Variants in EEFSEC observed in about 807,000 individuals in gnomAD.
The protein encoded by EEFSEC is selenocysteine-specific elongation factor.
EEFSEC carries 43 observed loss-of-function variants against 42.1 expected under a neutral mutation model. The ratio of observed to expected loss-of-function variants is 1.02; its 90% CI spans 0.80 to 1.32. EEFSEC has a LOEUF of 1.32. Among genes scored for constraint, EEFSEC ranks in the 40% most tolerant of loss-of-function variants. The pLI is 0.00. For missense variants in EEFSEC, 745 were observed against 803.6 expected (o/e 0.93, Z 0.88); for synonymous variants, 354 against 339.1 (o/e 1.04, Z -0.48).
At chr3:128,380,324 T>G (rs961047093) in intron 6 of EEFSEC, among the ~76,000 whole-genome samples, 1 of 152,228 alleles carries the variant, frequency 6.6e-6, no homozygotes, top group Non-Finnish European at 1.5e-5. Context: ...AAAATAAAAT[T>G]TGTTTTGAAC....
chr3:128,155,006 A>G (rs546362042), intron 1 of EEFSEC, among the ~76,000 whole-genome samples: 2 of 152,324 alleles, frequency 1.3e-5, no homozygotes, highest in South Asian at 4.1e-4. Flanking sequence ...GCTACTTGTG[A>G]AGAAATAGAA....
chr3:128,314,149 G>A (rs1204681949), intron 4 of EEFSEC, among the ~76,000 whole-genome samples: 4 of 152,180 alleles, frequency 2.6e-5, no homozygotes, highest in Admixed American at 6.5e-5. Context: ...TGGAGAGCAC[G>A]TTAACCAACT....
rs574288678 is a variant in EEFSEC, at chr3:128,270,392, A to G, written c.786+5611A>G. Among the ~76,000 whole-genome samples the G allele has an allele frequency of 3.2e-4, 48 of 152,264 alleles. 1 individual carries two copies. Among genetic ancestry groups the G allele is most frequent in the Admixed American group, 1.8e-3 (28 of 15,304 alleles). On this transcript the variant is annotated intron_variant, in intron 4 of 6. Coordinates refer to ENST00000254730, the MANE Select transcript of EEFSEC (RefSeq NM_021937.5). ...CTATGGTCCACTATGAATCCAATCA[A>G]TGTTCTGATAATGATGACAAACATT...
At chr3:128,217,358 C>T (rs2065820781) in intron 1 of EEFSEC, among the ~76,000 whole-genome samples, 1 of 152,132 alleles carries the variant, frequency 6.6e-6, no homozygotes, top group South Asian at 2.1e-4. Flanking sequence ...ACCCAAGGGT[C>T]CACCATGTGC....
At chr3:128,177,411 C>T (rs921890958) in intron 1 of EEFSEC, among the ~76,000 whole-genome samples, 1 of 147,582 alleles carries the variant, frequency 6.8e-6, no homozygotes, top group Non-Finnish European at 1.5e-5. Flanking sequence ...CACCCCCACC[C>T]GCATCTCTGG....
chr3:128,375,728 C>A (rs993569643), intron 6 of EEFSEC, among the ~76,000 whole-genome samples: 3 of 152,188 alleles, frequency 2.0e-5, no homozygotes, highest in Admixed American at 2.0e-4. Flanking sequence ...TTCTCCACTC[C>A]CTGGACAGAG....
In EEFSEC at chr3:128,382,111, C is replaced by T. The variant is rs779775035; in HGVS notation, c.1600+23738C>T. 8.5e-5 allele frequency among the ~76,000 whole-genome samples: 13 copies of T among 152,354 alleles called. No individual in the cohort carries two copies. In the East Asian group the frequency reaches 1.2e-3, roughly 14 times the overall value. ...CTGCTCTCTAGAATGGGGGCTATGA[C>T]GCCCAGCTCCTGGGGTTGTCAGGAA... On this transcript the variant is annotated intron_variant, in intron 6 of 6. Transcript: ENST00000254730.
chr3:128,238,657 T>G (rs993023018), intron 1 of EEFSEC, among the ~76,000 whole-genome samples: 77 of 152,136 alleles, frequency 5.1e-4, no homozygotes, highest in Admixed American at 1.1e-3. Context: ...CCCGGCTAAT[T>G]TTTTGTATTT....
At chr3:128,409,927 G>A (rs1001265838), downstream of EEFSEC, among the ~76,000 whole-genome samples, 2 of 152,226 alleles carry the variant, frequency 1.3e-5, no homozygotes, top group African/African-American at 4.8e-5. Flanking sequence ...CTCCGCCCAG[G>A]AAACTGGCAG....
chr3:128,266,445 C>A (rs2066354511), intron 4 of EEFSEC, among the ~76,000 whole-genome samples: 1 of 151,984 alleles, frequency 6.6e-6, no homozygotes, highest in Admixed American at 6.6e-5. Flanking sequence ...GAACAGGGTT[C>A]CCCCAAATGA....
At position 128,393,053 on chromosome 3, in the gene EEFSEC, G is replaced by A. The variant is rs2067935526; in HGVS notation, c.1601-15016G>A. ...GTGTCCATGGGAAGGAGCAGGAGGT[G>A]GCAGCTTTTCCCAGCGCCCAGGCAC... On this transcript the variant is annotated intron_variant, in intron 6 of 6. Coordinates refer to ENST00000254730, the MANE Select transcript of EEFSEC (RefSeq NM_021937.5). Among the ~76,000 whole-genome samples, 3 of 152,238 alleles carry A rather than the reference G, an allele frequency of 2.0e-5. No individual in the cohort carries two copies. In the South Asian group the frequency reaches 6.2e-4, roughly 32 times the overall value.
intron 4 of EEFSEC, among the ~76,000 whole-genome samples, chr3:128,293,672 A>ACAAAAAAC (rs1553752129): frequency 0.22 from 2,731 of 12,350 alleles, 259 homozygotes; most frequent in African/African-American, 0.32. Flanking sequence ...AAAAAAAAAA[A>ACAAAAAAC]AAAAAAAAAA....
At chr3:128,305,380 G>A (rs1448230234) in intron 4 of EEFSEC, among the ~76,000 whole-genome samples, 1 of 152,064 alleles carries the variant, frequency 6.6e-6, no homozygotes, top group African/African-American at 2.4e-5. Context: ...TAGTATGCTA[G>A]CCTCACAAAA....
chr3:128,221,207 C>T (rs1158589379), intron 1 of EEFSEC, among the ~76,000 whole-genome samples: 1 of 152,116 alleles, frequency 6.6e-6, no homozygotes, highest in Non-Finnish European at 1.5e-5. Flanking sequence ...AGTGAGGAAA[C>T]ACTAAGAGAA....
rs759266664 is a variant in EEFSEC at position 128,153,836 on chromosome 3, C to T, written c.316+13C>T. 3.1e-5 allele frequency: 46 copies of T among 1,498,732 alleles called. No homozygotes were observed. Among genetic ancestry groups the T allele is most frequent in the Non-Finnish European group, 3.9e-5 (44 of 1,131,530 alleles). 92.8% of individuals were successfully genotyped at this position (1,498,732 alleles called of 1,614,324 possible). ...ACCATCATCGGCGGTGAGCGCGGGC[C>T]GGGGCGGGAGCCGGGCTCAGGGACG... On this transcript the variant is annotated intron_variant, in intron 1 of 6. Coordinates refer to ENST00000254730, the MANE Select transcript of EEFSEC (RefSeq NM_021937.5).
intron 5 of EEFSEC, among the ~76,000 whole-genome samples, chr3:128,343,392 T>TG (rs1368556796): frequency 1.3e-5 from 2 of 151,972 alleles, no homozygotes; most frequent in Non-Finnish European, 2.9e-5. Flanking sequence ...TGCCCTCAAG[T>TG]GGGGGACTGA....
downstream of EEFSEC, among the ~76,000 whole-genome samples, chr3:128,413,415 G>C (rs570879241): frequency 1.4e-4 from 22 of 152,240 alleles, no homozygotes; most frequent in Admixed American, 2.0e-4. Context: ...AGGGACCTCA[G>C]AGGGCACTGG....
At chr3:128,413,446 G>C (rs1470890594), downstream of EEFSEC, among the ~76,000 whole-genome samples, 4 of 152,124 alleles carry the variant, frequency 2.6e-5, no homozygotes, top group Admixed American at 6.5e-5. Flanking sequence ...ATGGACCCTA[G>C]ATCACTACCT....
intron 1 of EEFSEC, among the ~76,000 whole-genome samples, chr3:128,210,473 AC>A (rs373389731): frequency 6.6e-6 from 1 of 152,296 alleles, no homozygotes; most frequent in African/African-American, 2.4e-5. Context: ...CCATGGCTTC[AC>A]CCCTCACATC....
Sources: gnomAD v4.1 joint callset for allele counts (sites outside exome capture counted in the v4.1 genomes callset) on GRCh38, gnomAD v4.1.1 for gene constraint, MANE v1.5 for transcripts, NCBI Gene and HGNC (gene_info 2026-07-23, HGNC 2026-07-21) for gene names.